The following SUPV3L1 variants were observed in gnomAD, a reference collection of about 807,000 sequenced individuals.
SUPV3L1 encodes ATP-dependent RNA helicase SUPV3L1, mitochondrial.
A neutral mutation model predicts 70.0 loss-of-function variants in SUPV3L1; 35 were observed. That is an observed-to-expected ratio of 0.50 (90% CI 0.38 to 0.66). The LOEUF (loss-of-function observed/expected upper bound fraction) is 0.66. Among genes scored for constraint, SUPV3L1 ranks in the 30% least tolerant of loss-of-function variants. The probability of loss-of-function intolerance (pLI) is 0.00; values close to 1 mark genes in which losing one functional copy is unlikely to be tolerated. For synonymous variants in SUPV3L1, 364 were observed against 341.9 expected, an observed-to-expected ratio of 1.06 and a Z score of -0.71; for missense variants, 777 against 961.5, an observed-to-expected ratio of 0.81 and a Z score of 2.54.
chr10:69,201,851 T>TC (rs1842689636), intron 11 of SUPV3L1, among the ~76,000 whole-genome samples: 1 of 150,594 alleles, frequency 6.6e-6, no homozygotes, highest in Admixed American at 6.6e-5. Context: ...AAAATCTTTT[T>TC]TTTTTTTTTA....
intron 5 of SUPV3L1, among the ~76,000 whole-genome samples, 174 bp downstream of exon 5, chr10:69,189,609 A>G (rs1842333595): frequency 6.6e-6 from 1 of 152,118 alleles, no homozygotes; most frequent in African/African-American, 2.4e-5. Flanking sequence ...TAAGAAAGAA[A>G]AAGATGCTAC....
chr10:69,193,673 A>G (rs1473991675), intron 6 of SUPV3L1, among the ~76,000 whole-genome samples: 1 of 152,152 alleles, frequency 6.6e-6, no homozygotes, highest in African/African-American at 2.4e-5. Flanking sequence ...GGCCTCCCAA[A>G]GTGCTGGGAT....
At chr10:69,205,420 G>A (rs981324757) in intron 13 of SUPV3L1, among the ~76,000 whole-genome samples, 3 of 151,954 alleles carry the variant, frequency 2.0e-5, no homozygotes, top group Non-Finnish European at 4.4e-5. Context: ...TGTTGCCCAG[G>A]CTGCAGTGCA....
chr10:69,194,013 G>T (rs1371395109), intron 6 of SUPV3L1, among the ~76,000 whole-genome samples: 1 of 152,146 alleles, frequency 6.6e-6, no homozygotes, highest in Non-Finnish European at 1.5e-5. Flanking sequence ...AGAGCTGCCT[G>T]GTTTCCTGTG....
chr10:69,184,924 A>T (rs1247931710), intron 1 of SUPV3L1, among the ~76,000 whole-genome samples: 2 of 152,238 alleles, frequency 1.3e-5, no homozygotes, highest in Non-Finnish European at 2.9e-5. Context: ...TGACTGAGTC[A>T]GTAAAATGTT....
chr10:69,182,384 G>A (rs1361066731), intron 1 of SUPV3L1: 19 of 389,526 alleles, frequency 4.9e-5, no homozygotes, highest in Non-Finnish European at 6.3e-5. Context: ...ATCTTGCAGA[G>A]TTGAAACTCA....
At chr10:69,187,547 C>T (rs1309194766) in intron 3 of SUPV3L1, 95 bp from the exon 4 acceptor site, 3 of 812,442 alleles carry the variant, frequency 3.7e-6, no homozygotes, top group African/African-American at 3.5e-5. Flanking sequence ...TGGCAGTGCC[C>T]CCGCAACTTA....
intron 6 of SUPV3L1, among the ~76,000 whole-genome samples, chr10:69,193,940 C>CTCAT (rs1842467979): frequency 6.6e-6 from 1 of 152,032 alleles, no homozygotes; most frequent in African/African-American, 2.4e-5. Flanking sequence ...GATTTAAAAC[C>CTCAT]CCTAAGGATG....
chr10:69,208,651 G>A lies in SUPV3L1; in HGVS notation c.1977G>A (p.Gln659=). 6.2e-7 allele frequency: 1 copy of A among 1,613,860 alleles called. No homozygotes were observed. The highest frequency in any genetic ancestry group is 8.5e-7 in the Non-Finnish European group (1 of 1,179,734). ...FPDASLIRDL[Q]KELDGIIQDG... Reference sequence around the variant, plus strand: ...ATGCCAGCCTTATTCGAGATCTCCAGAAAGAACTAGATGGTATTATCCAAG... The same window carrying A: ...ATGCCAGCCTTATTCGAGATCTCCAAAAAGAACTAGATGGTATTATCCAAG... The change falls in exon 15 of 15, where the codon CAG becomes CAA. Residue 659 remains glutamine, a synonymous_variant. Coordinates refer to ENST00000359655, the MANE Select transcript of SUPV3L1 (RefSeq NM_003171.5).
At position 69,180,275 on chromosome 10, in the gene SUPV3L1, T is replaced by G. The variant is rs776674181; in HGVS notation, c.-17T>G. ...GTGTCCGCGGCTGCGCCAGACAGTG[T>G]AGAACCTGCGGCCTCGATGTCCTTC... On this transcript the variant is annotated 5_prime_UTR_variant, in exon 1 of 15. Coordinates refer to ENST00000359655, the MANE Select transcript of SUPV3L1 (RefSeq NM_003171.5). The G allele has an allele frequency of 1.2e-6, 2 of 1,611,806 alleles. No homozygotes were observed. The highest frequency in any genetic ancestry group is 4.5e-5 in the East Asian group (2 of 44,858).
chr10:69,187,993 T>G (rs960272232), intron 4 of SUPV3L1, among the ~76,000 whole-genome samples: 1 of 152,160 alleles, frequency 6.6e-6, no homozygotes, highest in African/African-American at 2.4e-5. Flanking sequence ...AGCCCTGACT[T>G]AAGGATGTTG....
chr10:69,197,174 C>T (rs567315518), intron 8 of SUPV3L1, 91 bp downstream of exon 8: 24 of 979,460 alleles, frequency 2.5e-5, no homozygotes, highest in South Asian at 2.2e-4. Context: ...ATAATGCCAG[C>T]GTCAGAACTT....
intron 8 of SUPV3L1, among the ~76,000 whole-genome samples, chr10:69,197,817 C>T (rs1842580779): frequency 6.6e-6 from 1 of 152,198 alleles, no homozygotes; most frequent in East Asian, 1.9e-4. Context: ...AATTCTCCCA[C>T]CTTGGCCTCC....
intron 14 of SUPV3L1, 23 bp from the exon 15 acceptor site, chr10:69,208,577 A>G (rs1329090730): frequency 1.2e-6 from 2 of 1,601,296 alleles, no homozygotes; most frequent in African/African-American, 2.7e-5. Context: ...TGTTGCTATA[A>G]TGCTAATGTG....
At chr10:69,208,368 C>A (rs1193822284) in intron 14 of SUPV3L1, among the ~76,000 whole-genome samples, 1 of 152,188 alleles carries the variant, frequency 6.6e-6, no homozygotes, top group African/African-American at 2.4e-5. Flanking sequence ...GGGGCATGTC[C>A]CTCTCCAGGA....
chr10:69,187,500 G>C (rs1375484287), intron 3 of SUPV3L1, 142 bp from the exon 4 acceptor site: 1 of 564,964 alleles, frequency 1.8e-6, no homozygotes, highest in East Asian at 3.1e-5. Flanking sequence ...TTGTTGACGT[G>C]AGCTACTGTG....
intron 13 of SUPV3L1, among the ~76,000 whole-genome samples, chr10:69,204,259 C>G (rs549841296): frequency 1.1e-3 from 174 of 152,262 alleles, no homozygotes; most frequent in Non-Finnish European, 2.1e-3. Flanking sequence ...ACCTCCCGCC[C>G]TATTTCCTCT....
In SUPV3L1 at chr10:69,180,282, T is replaced by C. The variant is rs772990036; in HGVS notation, c.-10T>C. The C allele has an allele frequency of 6.2e-7, 1 of 1,612,312 alleles. No individual in the cohort carries two copies. The highest frequency in any genetic ancestry group is 1.1e-5 in the South Asian group (1 of 91,014). On this transcript the variant is annotated 5_prime_UTR_variant, in exon 1 of 15. Transcript: ENST00000359655. ...CGGCTGCGCCAGACAGTGTAGAACC[T>C]GCGGCCTCGATGTCCTTCTCCCGTG...
At chr10:69,197,292 C>G (rs1190250046) in intron 8 of SUPV3L1, among the ~76,000 whole-genome samples, 1 of 152,156 alleles carries the variant, frequency 6.6e-6, no homozygotes, top group East Asian at 1.9e-4. Context: ...CTAAGTCTTC[C>G]AAGAGTACAG....
Sources: allele counts gnomAD v4.1 joint callset (sites outside exome capture counted in the v4.1 genomes callset), GRCh38; gene constraint gnomAD v4.1.1; transcripts MANE v1.5; gene names NCBI Gene and HGNC (gene_info 2026-07-23, HGNC 2026-07-21).